FTO: variants seen among roughly 807,000 people sequenced by gnomAD.
The protein encoded by FTO is alpha-ketoglutarate-dependent dioxygenase FTO.
FTO carries 47 observed loss-of-function variants against 63.9 expected under a neutral mutation model. The ratio of observed to expected loss-of-function variants is 0.74; its 90% confidence interval spans 0.58 to 0.94. The LOEUF is 0.94. Ranked by LOEUF, FTO falls within the 40% of genes least tolerant of loss-of-function variation. The pLI is 0.00. For synonymous variants in FTO, 207 were observed against 224.4 expected, an observed-to-expected ratio of 0.92 and a Z score of 0.69; for missense variants, 562 against 618.1, an observed-to-expected ratio of 0.91 and a Z score of 0.96.
intron 2 of FTO, among the ~76,000 whole-genome samples, chr16:53,819,745 C>T (rs2078801832): frequency 6.6e-6 from 1 of 151,978 alleles, no homozygotes; most frequent in South Asian, 2.1e-4. Flanking sequence ...CCATAAAATG[C>T]ACGTTTTGAA....
intron 3 of FTO, among the ~76,000 whole-genome samples, chr16:53,841,587 A>AT (rs1271339509): frequency 6.6e-6 from 1 of 152,222 alleles, no homozygotes; most frequent in Non-Finnish European, 1.5e-5. Flanking sequence ...CATTTTCACC[A>AT]TGCCTAGTGC....
chr16:53,910,843 T>C (rs529859641), intron 7 of FTO, among the ~76,000 whole-genome samples: 1 of 152,276 alleles, frequency 6.6e-6, no homozygotes, highest in East Asian at 1.9e-4. Flanking sequence ...GCCTGTTTTG[T>C]TTTTAGATAG....
intron 8 of FTO, among the ~76,000 whole-genome samples, chr16:53,954,582 G>A (rs1013940832): frequency 3.3e-5 from 5 of 152,120 alleles, no homozygotes; most frequent in Non-Finnish European, 7.4e-5. Flanking sequence ...AACTCTGGGT[G>A]CACAGGGGAT....
chr16:53,873,949 A>G (rs2080576178), intron 5 of FTO, 84 bp downstream of exon 5: 2 of 1,038,744 alleles, frequency 1.9e-6, no homozygotes, highest in African/African-American at 1.6e-5. Flanking sequence ...GAGCTTTGGA[A>G]GAGTATTTGA....
Position 53,883,782 on chromosome 16 carries a change from G to A in FTO, c.1119+3795G>A, listed in dbSNP as rs188161584. ...GAGAGATTGATCTTGAATTTAAATA[G>A]CGTGTGTGCCAGTCTTCACCATCCC... On this transcript the variant is annotated intron_variant, in intron 6 of 8. Coordinates refer to ENST00000471389, the MANE Select transcript of FTO (RefSeq NM_001080432.3). 1.6e-3 allele frequency among the ~76,000 whole-genome samples: 244 copies of A among 152,168 alleles called. 1 individual carries two copies. Among genetic ancestry groups the A allele is most frequent in the African/African-American group, 5.5e-3 (229 of 41,518 alleles).
chr16:53,897,925 A>G (rs921335924), intron 7 of FTO, among the ~76,000 whole-genome samples: 1 of 152,138 alleles, frequency 6.6e-6, no homozygotes, highest in Non-Finnish European at 1.5e-5. Context: ...GAATCCAGTT[A>G]GCTCTACTTT....
intron 8 of FTO, among the ~76,000 whole-genome samples, chr16:53,953,315 CT>C (rs2143546537): frequency 6.6e-6 from 1 of 152,330 alleles, no homozygotes; most frequent in African/African-American, 2.4e-5. Flanking sequence ...CGTTGTCTAT[CT>C]TTTATTGTCT....
At chr16:53,727,097 T>C (rs1299931891) in intron 1 of FTO, among the ~76,000 whole-genome samples, 2 of 152,262 alleles carry the variant, frequency 1.3e-5, no homozygotes, top group Admixed American at 6.5e-5. Context: ...TATTTTTCTT[T>C]TGGCTAAATA....
intron 6 of FTO, 88 bp from the exon 7 acceptor site, chr16:53,888,744 C>T (rs1398011097): frequency 1.4e-6 from 2 of 1,409,224 alleles, no homozygotes; most frequent in Non-Finnish European, 1.0e-6. Flanking sequence ...CATCAAGTTA[C>T]TGGAGGAGAA....
chr16:54,075,978 C>A (rs1599324293), intron 8 of FTO, among the ~76,000 whole-genome samples: 2 of 152,072 alleles, frequency 1.3e-5, no homozygotes, highest in East Asian at 3.9e-4. Flanking sequence ...ATATGCGAGG[C>A]CGGATTCCCC....
chr16:54,109,092 C>T (rs991360914), intron 8 of FTO, among the ~76,000 whole-genome samples: 9 of 152,216 alleles, frequency 5.9e-5, no homozygotes, highest in Admixed American at 2.0e-4. Context: ...GTGACTACAT[C>T]ACCTCCAATA....
chr16:54,092,626 C>T (rs1332762561), intron 8 of FTO, among the ~76,000 whole-genome samples: 7 of 152,216 alleles, frequency 4.6e-5, no homozygotes, highest in African/African-American at 1.7e-4. Context: ...AAATAATTCA[C>T]AGACCCACTC....
At chr16:53,966,593 G>A (rs1237012839) in intron 8 of FTO, among the ~76,000 whole-genome samples, 1 of 152,114 alleles carries the variant, frequency 6.6e-6, no homozygotes, top group African/African-American at 2.4e-5. Context: ...ATCTTTTGTT[G>A]ATCTTGGTTT....
intron 1 of FTO, among the ~76,000 whole-genome samples, chr16:53,780,063 G>A (rs996873913): frequency 6.6e-6 from 1 of 152,148 alleles, no homozygotes; most frequent in Non-Finnish European, 1.5e-5. Flanking sequence ...ATCAAGTGAT[G>A]TCACCTCACT....
At chr16:54,095,258 T>A (rs2144571739) in intron 8 of FTO, among the ~76,000 whole-genome samples, 2 of 152,308 alleles carry the variant, frequency 1.3e-5, no homozygotes, top group East Asian at 3.9e-4. Context: ...CAGGCTGGTC[T>A]AGAACTCCTG....
intron 8 of FTO, chr16:54,039,691 C>G (rs1185132071): frequency 6.6e-6 from 1 of 152,200 alleles, no homozygotes; most frequent in African/African-American, 2.4e-5. Context: ...ACCTTGAGTA[C>G]CCAGTATGCG....
chr16:53,905,367 A>T (rs957078097), intron 7 of FTO, among the ~76,000 whole-genome samples: 36 of 152,258 alleles, frequency 2.4e-4, no homozygotes, highest in African/African-American at 6.7e-4. Context: ...TAAAATGGGG[A>T]TAATAATAGT....
chr16:54,052,944 C>T (rs2085346218), intron 8 of FTO, among the ~76,000 whole-genome samples: 1 of 152,096 alleles, frequency 6.6e-6, no homozygotes, highest in Non-Finnish European at 1.5e-5. Flanking sequence ...TCAGGAGATC[C>T]ACCCACCTCA....
intron 8 of FTO, among the ~76,000 whole-genome samples, chr16:54,107,658 C>T (rs2086788369): frequency 6.6e-6 from 1 of 151,808 alleles, no homozygotes; most frequent in African/African-American, 2.4e-5. Flanking sequence ...AAATAACTGA[C>T]AGCAAGGAAG....
Sources: allele counts gnomAD v4.1 joint callset (sites outside exome capture counted in the v4.1 genomes callset), GRCh38; gene constraint gnomAD v4.1.1; transcripts MANE v1.5; gene names NCBI Gene and HGNC (gene_info 2026-07-23, HGNC 2026-07-21).